The following PLXDC2 variants were observed in gnomAD, a reference collection of about 807,000 sequenced individuals.
The protein encoded by PLXDC2 is plexin domain-containing protein 2.
PLXDC2 carries 40 observed loss-of-function variants against 68.9 expected under a neutral mutation model. That is an observed-to-expected ratio of 0.58 (90% CI 0.45 to 0.76). The LOEUF is 0.76. Ranked by LOEUF, PLXDC2 falls within the 30% of genes least tolerant of loss-of-function variation. The pLI is 0.00. For synonymous variants in PLXDC2, 243 were observed against 234.2 expected (o/e 1.04, Z -0.34); for missense variants, 644 against 661.9 (o/e 0.97, Z 0.30).
At chr10:19,992,925 G>A (rs1834774465) in intron 1 of PLXDC2, among the ~76,000 whole-genome samples, 1 of 152,114 alleles carries the variant, frequency 6.6e-6, no homozygotes, top group Non-Finnish European at 1.5e-5. Context: ...CTTTGTCACA[G>A]ATTGCTAAAC....
intron 13 of PLXDC2, among the ~76,000 whole-genome samples, chr10:20,275,503 C>G (rs1398714057): frequency 1.3e-5 from 2 of 152,080 alleles, no homozygotes; most frequent in African/African-American, 4.8e-5. Context: ...GGGGAGCGCA[C>G]GCAAGCAAGG....
intron 4 of PLXDC2, among the ~76,000 whole-genome samples, chr10:20,128,987 C>T (rs990736012): frequency 4.6e-5 from 7 of 152,094 alleles, no homozygotes; most frequent in Admixed American, 6.5e-5. Context: ...TCACTTCCTC[C>T]GGATATATAC....
intron 1 of PLXDC2, among the ~76,000 whole-genome samples, chr10:19,863,065 T>C (rs1221096922): frequency 6.6e-6 from 1 of 152,184 alleles, no homozygotes; most frequent in African/African-American, 2.4e-5. Flanking sequence ...TTTTAGAGGG[T>C]AAGAGGAGGT....
chr10:19,901,043 A>G (rs1838151380), intron 1 of PLXDC2, among the ~76,000 whole-genome samples: 1 of 151,700 alleles, frequency 6.6e-6, no homozygotes, highest in Non-Finnish European at 1.5e-5. Context: ...ATACACATAT[A>G]TATATAAAAC....
At chr10:19,922,404 A>C (rs1038417478) in intron 1 of PLXDC2, among the ~76,000 whole-genome samples, 1 of 152,192 alleles carries the variant, frequency 6.6e-6, no homozygotes, top group Non-Finnish European at 1.5e-5. Context: ...CATCAGTGAA[A>C]GCTTTGTTTA....
intron 6 of PLXDC2, among the ~76,000 whole-genome samples, chr10:20,149,137 A>T (rs1182319758): frequency 6.7e-6 from 1 of 149,770 alleles, no homozygotes; most frequent in East Asian, 2.0e-4. Flanking sequence ...AGGGAAACAC[A>T]TGTCCTGGAG....
In PLXDC2 at chr10:20,266,176, G is replaced by A. The variant is rs578236829; in HGVS notation, c.1474-13527G>A. Among the ~76,000 whole-genome samples the A allele has an allele frequency of 1.2e-4, 18 of 152,278 alleles. No individual in the cohort carries two copies. In the South Asian group the frequency reaches 3.7e-3, roughly 32 times the overall value. ...AAATCAGGGAAAATCAATGGACTGGGTGTGTTTTAGCAAACAACATAATGA... is the reference window on the plus strand; with the variant it reads ...AAATCAGGGAAAATCAATGGACTGGATGTGTTTTAGCAAACAACATAATGA... On this transcript the variant is annotated intron_variant, in intron 13 of 13. Transcript: ENST00000377252.
At chr10:19,931,644 C>T (rs192042062) in intron 1 of PLXDC2, among the ~76,000 whole-genome samples, 2 of 152,212 alleles carry the variant, frequency 1.3e-5, no homozygotes, top group East Asian at 1.9e-4. Context: ...ATTTTCAGGC[C>T]GCTACGCTCT....
chr10:19,841,813 C>G, intron 1 of PLXDC2, among the ~76,000 whole-genome samples: 1 of 151,974 alleles, frequency 6.6e-6, no homozygotes, highest in East Asian at 1.9e-4. Context: ...ATCTAATGTG[C>G]CTGTACATCT....
intron 1 of PLXDC2, among the ~76,000 whole-genome samples, chr10:19,883,671 TG>T (rs1294708946): frequency 2.0e-5 from 3 of 151,702 alleles, no homozygotes; most frequent in African/African-American, 4.8e-5. Context: ...CTTTTCATGC[TG>T]TTTCTTTCTG....
intron 2 of PLXDC2, among the ~76,000 whole-genome samples, chr10:20,040,049 T>A (rs1448635728): frequency 6.6e-6 from 1 of 152,152 alleles, no homozygotes; most frequent in African/African-American, 2.4e-5. Context: ...TCGGCCATGG[T>A]GGGGTGGGAG....
At chr10:19,929,981 G>A (rs1044346069) in intron 1 of PLXDC2, among the ~76,000 whole-genome samples, 5 of 152,118 alleles carry the variant, frequency 3.3e-5, no homozygotes, top group African/African-American at 1.2e-4. Context: ...CCGTCCTGGA[G>A]GATGTGTCAT....
intron 13 of PLXDC2, among the ~76,000 whole-genome samples, chr10:20,276,052 C>T (rs962048708): frequency 6.6e-5 from 10 of 152,126 alleles, no homozygotes; most frequent in African/African-American, 2.2e-4. Context: ...GGGAAGTGAT[C>T]CCAGCCTCTT....
At chr10:19,958,058 A>G (rs1191124910) in intron 1 of PLXDC2, among the ~76,000 whole-genome samples, 1 of 151,960 alleles carries the variant, frequency 6.6e-6, no homozygotes, top group Non-Finnish European at 1.5e-5. Context: ...TTCAGCTACA[A>G]GTTTAACTTG....
At chr10:19,833,078 G>A (rs1836724500) in intron 1 of PLXDC2, among the ~76,000 whole-genome samples, 1 of 152,192 alleles carries the variant, frequency 6.6e-6, no homozygotes, top group Non-Finnish European at 1.5e-5. Flanking sequence ...TAAGGAAGTT[G>A]GAAGTGGGAA....
intron 1 of PLXDC2, among the ~76,000 whole-genome samples, chr10:19,961,222 C>T (rs537392914): frequency 6.6e-6 from 1 of 152,302 alleles, no homozygotes; most frequent in African/African-American, 2.4e-5. Context: ...GTACGCTGTG[C>T]AAACTCATTG....
At chr10:20,058,925 C>T (rs897274342) in intron 3 of PLXDC2, among the ~76,000 whole-genome samples, 1 of 152,204 alleles carries the variant, frequency 6.6e-6, no homozygotes, top group African/African-American at 2.4e-5. Context: ...ACCTATTTCA[C>T]TCTTTCCAAA....
chr10:19,888,732 G>T (rs1201545197), intron 1 of PLXDC2, among the ~76,000 whole-genome samples: 2 of 152,130 alleles, frequency 1.3e-5, no homozygotes, highest in South Asian at 2.1e-4. Context: ...TGAGGTTTGA[G>T]GTGGGATTGG....
chr10:19,965,066 G>A (rs4143249), intron 1 of PLXDC2, among the ~76,000 whole-genome samples: 23,137 of 152,060 alleles, frequency 0.15, 1,948 homozygotes, highest in East Asian at 0.32. Context: ...TTGGAAATTC[G>A]TTTGGCCACT....
Sources: gnomAD v4.1 joint callset for allele counts (sites outside exome capture counted in the v4.1 genomes callset) on GRCh38, gnomAD v4.1.1 for gene constraint, MANE v1.5 for transcripts, NCBI Gene and HGNC (gene_info 2026-07-23, HGNC 2026-07-21) for gene names.